The following TRIM33 variants were observed in gnomAD, a reference collection of about 807,000 sequenced individuals.
TRIM33 encodes E3 ubiquitin-protein ligase TRIM33.
A neutral mutation model predicts 125.4 loss-of-function variants in TRIM33; 20 were observed. The observed-to-expected ratio is 0.16, with a 90% CI of 0.11 to 0.23. The LOEUF is 0.23. Ranked by LOEUF, TRIM33 falls within the 10% of genes least tolerant of loss-of-function variation. The pLI is 1.00. For synonymous variants in TRIM33, 564 were observed against 513.9 expected (o/e 1.10, Z -1.32); for missense variants, 920 against 1,411.4 (o/e 0.65, Z 5.58).
intron 1 of TRIM33, among the ~76,000 whole-genome samples, chr1:114,467,617 A>T (rs1299483539): frequency 6.6e-6 from 1 of 152,216 alleles, no homozygotes; most frequent in Non-Finnish European, 1.5e-5. Context: ...CAGGAAGTAC[A>T]CTTTACATCA....
At chr1:114,420,543 T>C (rs992804810) in intron 11 of TRIM33, 2 of 649,764 alleles carry the variant, frequency 3.1e-6, no homozygotes, top group African/African-American at 1.9e-5. Context: ...ATTCCCATAA[T>C]TTGCTATTCA....
In TRIM33 at chr1:114,395,213, T is replaced by G. The variant is rs953022784; in HGVS notation, c.*2435A>C. ...TGAATACCTTAATTTAATGGTGGTATGTTGATAGCTATTAATAGTAATTCC... is the reference window on the plus strand; with the variant it reads ...TGAATACCTTAATTTAATGGTGGTAGGTTGATAGCTATTAATAGTAATTCC... On this transcript the variant is annotated 3_prime_UTR_variant, in exon 20 of 20. Coordinates refer to ENST00000358465, the MANE Select transcript of TRIM33 (RefSeq NM_015906.4). 1 of 205,722 alleles carries G rather than the reference T, an allele frequency of 4.9e-6. No homozygotes were observed. Among genetic ancestry groups the G allele is most frequent in the Admixed American group, 5.9e-5 (1 of 16,848 alleles). The allele number at this position is 205,722 out of a possible 1,614,324, so 12.7% of individuals were successfully genotyped here. A position where few individuals can be genotyped will look rare whatever the true frequency, so the allele number is the denominator to read the frequency against.
intron 4 of TRIM33, among the ~76,000 whole-genome samples, chr1:114,456,389 C>A (rs7532456): frequency 0.024 from 3,686 of 152,184 alleles, 144 homozygotes; most frequent in African/African-American, 0.084. Context: ...CCAATGAATT[C>A]TTTGTACAAT....
At chr1:114,432,348 C>T (rs1299532552) in intron 5 of TRIM33, among the ~76,000 whole-genome samples, 1 of 152,196 alleles carries the variant, frequency 6.6e-6, no homozygotes, top group Non-Finnish European at 1.5e-5. Context: ...TTCTGAGAAA[C>T]AGTCTTCTCC....
Position 114,425,482 on chromosome 1 carries a change from A to G in TRIM33, c.1662T>C (p.Pro554=). ...GTAACATCTGAGGGGCTGCTTGTCT[A>G]GGATGCTGTTGTGTTGTTGTTGTTG... ...PTTTTTTQQH[P]RQAAPQMLQQ... Residue 554 remains proline, a synonymous_variant, in exon 9 of 20, where the codon CCT becomes CCC. Coordinates refer to ENST00000358465, the MANE Select transcript of TRIM33 (RefSeq NM_015906.4). 1.2e-6 allele frequency: 2 copies of G among 1,614,000 alleles called. No individual in the cohort carries two copies. Among genetic ancestry groups the G allele is most frequent in the South Asian group, 1.1e-5 (1 of 91,056 alleles).
chr1:114,453,750 T>C (rs1458081230), intron 4 of TRIM33, among the ~76,000 whole-genome samples: 4 of 152,220 alleles, frequency 2.6e-5, no homozygotes, highest in Admixed American at 2.6e-4. Flanking sequence ...AGGTCTACCA[T>C]GTGGCTGGTG....
chr1:114,402,825 A>C lies in TRIM33; in HGVS notation c.2827T>G (p.Cys943Gly). ...DIGKPEVEYD[C>G]DNLQHSKKGK... ...TTCTTACTATGTTGCAAATTATCAC[A>C]ATCATATTCAACTTCTGGCTTTCCA... The change falls in exon 16 of 20, where the codon TGT becomes GGT. Residue 943 changes from cysteine to glycine, a missense_variant. Coordinates refer to ENST00000358465, the MANE Select transcript of TRIM33 (RefSeq NM_015906.4). 6.2e-7 allele frequency: 1 copy of C among 1,614,152 alleles called. No individual in the cohort carries two copies. The highest frequency in any genetic ancestry group is 8.5e-7 in the Non-Finnish European group (1 of 1,180,012).
intron 1 of TRIM33, among the ~76,000 whole-genome samples, chr1:114,482,237 A>C (rs1189645784): frequency 2.0e-5 from 3 of 152,188 alleles, no homozygotes; most frequent in Non-Finnish European, 2.9e-5. Flanking sequence ...CCATGAACTT[A>C]GAGAGAAATG....
intron 1 of TRIM33, among the ~76,000 whole-genome samples, chr1:114,488,588 AC>A (rs1651862584): frequency 6.6e-6 from 1 of 151,870 alleles, no homozygotes; most frequent in Non-Finnish European, 1.5e-5. Context: ...ACAATACAAG[AC>A]CCCATCTCTA....
At chr1:114,460,312 GA>G (rs1432754611) in intron 4 of TRIM33, 2 of 160,356 alleles carry the variant, frequency 1.2e-5, no homozygotes, top group East Asian at 3.4e-4. Flanking sequence ...CACCAAGTAA[GA>G]AAGGAAAAGG....
At chr1:114,477,522 C>G (rs1651050078) in intron 1 of TRIM33, among the ~76,000 whole-genome samples, 1 of 152,140 alleles carries the variant, frequency 6.6e-6, no homozygotes, top group Non-Finnish European at 1.5e-5. Flanking sequence ...TTAGTTTCCC[C>G]TTTGCAAAAC....
intron 1 of TRIM33, among the ~76,000 whole-genome samples, chr1:114,492,792 T>C (rs1363193766): frequency 6.6e-6 from 1 of 152,260 alleles, no homozygotes; most frequent in Non-Finnish European, 1.5e-5. Flanking sequence ...TACATGTATA[T>C]ACATTTTATC....
intron 4 of TRIM33, among the ~76,000 whole-genome samples, chr1:114,448,404 G>T (rs1327255084): frequency 6.6e-6 from 1 of 152,156 alleles, no homozygotes; most frequent in Admixed American, 6.5e-5. Flanking sequence ...TTAAAAGAGG[G>T]AAAGGTATGA....
chr1:114,442,477 G>C (rs964955945), intron 4 of TRIM33, among the ~76,000 whole-genome samples: 2 of 151,972 alleles, frequency 1.3e-5, no homozygotes, highest in Non-Finnish European at 2.9e-5. Context: ...ATCACCTGAG[G>C]TCAGGAGTTT....
chr1:114,419,522 G>A (rs1241582895), intron 11 of TRIM33, among the ~76,000 whole-genome samples: 1 of 152,130 alleles, frequency 6.6e-6, no homozygotes, highest in African/African-American at 2.4e-5. Flanking sequence ...CAAACTATAA[G>A]CTGTTAACTT....
In TRIM33 at chr1:114,395,295, T is replaced by C. The variant is rs1186248148; in HGVS notation, c.*2353A>G. On this transcript the variant is annotated 3_prime_UTR_variant, in exon 20 of 20. Coordinates refer to ENST00000358465, the MANE Select transcript of TRIM33 (RefSeq NM_015906.4). Reference sequence around the variant, plus strand: ...AGGCTATTAAATGTTGACAAAAAAGTGGCTTTTAAATTGCTTTAACCAATC... The same window carrying C: ...AGGCTATTAAATGTTGACAAAAAAGCGGCTTTTAAATTGCTTTAACCAATC... 1 of 205,090 alleles carries C rather than the reference T, an allele frequency of 4.9e-6. No homozygotes were observed. Among genetic ancestry groups the C allele is most frequent in the Admixed American group, 5.9e-5 (1 of 16,812 alleles). 12.7% of individuals were successfully genotyped at this position (205,090 alleles called of 1,614,324 possible). A position where few individuals can be genotyped will look rare whatever the true frequency, so the allele number is the denominator to read the frequency against.
At chr1:114,467,936 G>C (rs1235941968) in intron 1 of TRIM33, among the ~76,000 whole-genome samples, 1 of 152,202 alleles carries the variant, frequency 6.6e-6, no homozygotes, top group Non-Finnish European at 1.5e-5. Flanking sequence ...AGAGAGGGGA[G>C]TTGAGAGAAT....
intron 1 of TRIM33, among the ~76,000 whole-genome samples, chr1:114,489,626 T>A (rs746631909): frequency 8.6e-5 from 13 of 151,894 alleles, no homozygotes; most frequent in Non-Finnish European, 1.8e-4. Flanking sequence ...GCACCTGTAG[T>A]CCCAGCTACT....
chr1:114,404,442 G>A (rs968608863), intron 15 of TRIM33: 1 of 152,042 alleles, frequency 6.6e-6, no homozygotes, highest in African/African-American at 2.4e-5. Flanking sequence ...TACCACACCT[G>A]GCTAATTTAC....
Sources: gnomAD v4.1 joint callset for allele counts (sites outside exome capture counted in the v4.1 genomes callset) on GRCh38, gnomAD v4.1.1 for gene constraint, MANE v1.5 for transcripts, NCBI Gene and HGNC (gene_info 2026-07-23, HGNC 2026-07-21) for gene names.